CNTNAP2: variants seen among roughly 807,000 people sequenced by gnomAD.
CNTNAP2 encodes contactin-associated protein-like 2.
CNTNAP2 carries 98 observed loss-of-function variants against 155.2 expected under a neutral mutation model. The observed-to-expected ratio is 0.63, with a 90% confidence interval of 0.54 to 0.75. CNTNAP2 has a LOEUF of 0.75. Among genes scored for constraint, CNTNAP2 ranks in the 30% least tolerant of loss-of-function variants. CNTNAP2 has a pLI of 0.00. For missense variants in CNTNAP2, 1,727 were observed against 1,688.1 expected (o/e 1.02, Z -0.40); for synonymous variants, 651 against 631.2 (o/e 1.03, Z -0.47).
At chr7:147,909,594 A>G (rs916730514) in intron 14 of CNTNAP2, among the ~76,000 whole-genome samples, 2 of 152,192 alleles carry the variant, frequency 1.3e-5, no homozygotes, top group Admixed American at 6.5e-5. Flanking sequence ...ATGATTTACT[A>G]TTCACAGCAA....
At chr7:148,048,385 T>C (rs1405717149) in intron 15 of CNTNAP2, among the ~76,000 whole-genome samples, 7 of 152,134 alleles carry the variant, frequency 4.6e-5, no homozygotes, top group Non-Finnish European at 1.0e-4. Flanking sequence ...AATGAAAAAC[T>C]TCCCCACCCC....
At chr7:146,862,995 T>C (rs1795134415) in intron 3 of CNTNAP2, among the ~76,000 whole-genome samples, 1 of 152,202 alleles carries the variant, frequency 6.6e-6, no homozygotes, top group South Asian at 2.1e-4. Flanking sequence ...GTATTGGATT[T>C]ATATGTTCTT....
chr7:146,262,398 C>T (rs1370632168), intron 1 of CNTNAP2, among the ~76,000 whole-genome samples: 1 of 152,118 alleles, frequency 6.6e-6, no homozygotes, highest in Non-Finnish European at 1.5e-5. Context: ...AGTATCAGTG[C>T]TCTGGATAAT....
At chr7:148,165,418 A>T (rs117148458) in intron 17 of CNTNAP2, among the ~76,000 whole-genome samples, 1 of 152,306 alleles carries the variant, frequency 6.6e-6, no homozygotes, top group Non-Finnish European at 1.5e-5. Context: ...GACACAGTTC[A>T]GTCCATAGCA....
At chr7:146,933,008 C>T (rs1201646126) in intron 3 of CNTNAP2, among the ~76,000 whole-genome samples, 2 of 152,100 alleles carry the variant, frequency 1.3e-5, no homozygotes, top group East Asian at 1.9e-4. Context: ...AATGGCCATA[C>T]TGCCCAAGGT....
At chr7:147,850,754 C>T (rs1198310916) in intron 13 of CNTNAP2, among the ~76,000 whole-genome samples, 5 of 152,182 alleles carry the variant, frequency 3.3e-5, no homozygotes, top group Non-Finnish European at 5.9e-5. Flanking sequence ...TTCCTTACAC[C>T]TTATACAAAA....
At chr7:146,461,935 C>G (rs1796643037) in intron 1 of CNTNAP2, among the ~76,000 whole-genome samples, 1 of 152,244 alleles carries the variant, frequency 6.6e-6, no homozygotes, top group Non-Finnish European at 1.5e-5. Context: ...AAAATATTTT[C>G]TTGTTTCCTA....
At chr7:146,485,967 A>C (rs1193749988) in intron 1 of CNTNAP2, among the ~76,000 whole-genome samples, 2 of 151,614 alleles carry the variant, frequency 1.3e-5, no homozygotes, top group Non-Finnish European at 2.9e-5. Context: ...TTCAAATGTA[A>C]GATTGCATGT....
At chr7:148,305,557 T>C (rs1385969096) in intron 21 of CNTNAP2, among the ~76,000 whole-genome samples, 1 of 152,196 alleles carries the variant, frequency 6.6e-6, no homozygotes, top group African/African-American at 2.4e-5. Flanking sequence ...GACTCGCAGT[T>C]CTGCAGGGTT....
At chr7:148,138,963 A>C (rs971366119) in intron 16 of CNTNAP2, among the ~76,000 whole-genome samples, 1 of 152,174 alleles carries the variant, frequency 6.6e-6, no homozygotes, top group Non-Finnish European at 1.5e-5. Flanking sequence ...AGAGCTTTGC[A>C]TTTTAAAGAC....
intron 15 of CNTNAP2, among the ~76,000 whole-genome samples, chr7:148,091,900 G>A (rs1803848323): frequency 1.3e-5 from 2 of 152,120 alleles, no homozygotes; most frequent in Non-Finnish European, 2.9e-5. Context: ...TAGGCCAAGA[G>A]GCACAGGATC....
chr7:148,210,556 T>G (rs191011771), intron 18 of CNTNAP2, among the ~76,000 whole-genome samples: 17 of 152,368 alleles, frequency 1.1e-4, no homozygotes, highest in Non-Finnish European at 2.2e-4. Context: ...AGTAATATAC[T>G]TCACACTTGT....
intron 9 of CNTNAP2, among the ~76,000 whole-genome samples, chr7:147,306,537 T>C (rs983600078): frequency 2.0e-5 from 3 of 152,202 alleles, no homozygotes; most frequent in Non-Finnish European, 2.9e-5. Context: ...TTATCTCTGA[T>C]AAATATTGGA....
chr7:147,710,801 C>T (rs73741884), intron 13 of CNTNAP2, among the ~76,000 whole-genome samples: 104 of 152,228 alleles, frequency 6.8e-4, no homozygotes, highest in African/African-American at 2.3e-3. Flanking sequence ...AACTGGTATG[C>T]TAAAAAGTAG....
chr7:147,628,466 AG>A (rs1041332886), intron 12 of CNTNAP2, among the ~76,000 whole-genome samples: 3 of 152,332 alleles, frequency 2.0e-5, no homozygotes, highest in Admixed American at 2.0e-4. Context: ...CAGCGCTATA[AG>A]AAATGCTAAA....
chr7:147,634,766 T>C (rs951199788), intron 12 of CNTNAP2, among the ~76,000 whole-genome samples: 1 of 152,174 alleles, frequency 6.6e-6, no homozygotes, highest in African/African-American at 2.4e-5. Flanking sequence ...AGTTACAGCA[T>C]GCTACTTTTC....
At chr7:146,861,230 T>C (rs1795092770) in intron 3 of CNTNAP2, among the ~76,000 whole-genome samples, 1 of 152,064 alleles carries the variant, frequency 6.6e-6, no homozygotes, top group Non-Finnish European at 1.5e-5. Flanking sequence ...TTTTTGTATT[T>C]TTAGTAGAGA....
chr7:147,890,099 C>G (rs1266372658), intron 13 of CNTNAP2, among the ~76,000 whole-genome samples: 1 of 152,110 alleles, frequency 6.6e-6, no homozygotes, highest in Admixed American at 6.6e-5. Context: ...TAAATAATCC[C>G]TGCACTGTGG....
chr7:147,429,254 A>AT (rs1040570261), intron 10 of CNTNAP2, among the ~76,000 whole-genome samples: 3 of 150,212 alleles, frequency 2.0e-5, no homozygotes, highest in Non-Finnish European at 4.4e-5. Context: ...TCATTTTTTG[A>AT]TTTTTTTAAA....
Sources: allele counts gnomAD v4.1 joint callset (sites outside exome capture counted in the v4.1 genomes callset), GRCh38; gene constraint gnomAD v4.1.1; transcripts MANE v1.5; gene names NCBI Gene and HGNC (gene_info 2026-07-23, HGNC 2026-07-21).